ANKS1A: variants seen among roughly 807,000 people sequenced by gnomAD.
The protein encoded by ANKS1A is ankyrin repeat and sterile alpha motif domain containing 1A, also known as ankyrin repeat and SAM domain-containing protein 1A.
In ANKS1A, 55 loss-of-function variants were observed where a neutral mutation model predicts 120.3. The observed-to-expected ratio is 0.46, with a 90% confidence interval of 0.37 to 0.57. ANKS1A has a LOEUF of 0.57. Among genes scored for constraint, ANKS1A ranks in the 20% least tolerant of loss-of-function variants. The probability of loss-of-function intolerance (pLI) is 0.00; values close to 1 mark genes in which losing one functional copy is unlikely to be tolerated. For missense variants in ANKS1A, 1,123 were observed against 1,480.3 expected (o/e 0.76, Z 3.96); for synonymous variants, 590 against 604.7 (o/e 0.98, Z 0.36).
chr6:34,970,510 C>G (rs562977296), intron 3 of ANKS1A, among the ~76,000 whole-genome samples: 18 of 152,298 alleles, frequency 1.2e-4, no homozygotes, highest in South Asian at 8.3e-4. Context: ...ATGCTCAAGT[C>G]CCTTATGTAA....
chr6:35,089,765 C>A lies in ANKS1A; in HGVS notation c.*1156C>A, dbSNP rs576143228. On this transcript the variant is annotated 3_prime_UTR_variant, in exon 24 of 24. Transcript: ENST00000360359. ...TTTTAAAAGTAACTTGGGTTGCATT[C>A]TTCCCTCTGGACTAGAGTAGAAATG... is the stretch of plus-strand genomic sequence containing the variant. 1 of 1,000,642 alleles carries A rather than the reference C, an allele frequency of 1.0e-6. No individual in the cohort carries two copies. Among genetic ancestry groups the A allele is most frequent in the African/African-American group, 1.7e-5 (1 of 57,670 alleles). The allele number at this position is 1,000,642 out of a possible 1,614,324, so 62.0% of individuals were successfully genotyped here.
In ANKS1A at chr6:35,077,864, C is replaced by T. The variant is rs114620993; in HGVS notation, c.2185-694C>T. On this transcript the variant is annotated intron_variant, in intron 13 of 23. Coordinates refer to ENST00000360359, the MANE Select transcript of ANKS1A (RefSeq NM_015245.3). ...GTGGGATGCGCCAGGTGAAAGCTCT[C>T]GGCCCTGTCATATAGTAAGAAAGGA... 5.5e-3 allele frequency among the ~76,000 whole-genome samples: 836 copies of T among 152,300 alleles called. 5 individuals are homozygous for T. Among genetic ancestry groups the T allele is most frequent in the African/African-American group, 0.018 (760 of 41,562 alleles).
intron 13 of ANKS1A, among the ~76,000 whole-genome samples, chr6:35,067,079 G>A (rs1210502503): frequency 2.0e-5 from 3 of 152,156 alleles, no homozygotes; most frequent in Non-Finnish European, 4.4e-5. Context: ...ATAGTAGCTG[G>A]TACTGGGAAA....
chr6:34,940,513 A>AT (rs1479134055), intron 1 of ANKS1A, among the ~76,000 whole-genome samples: 2 of 152,156 alleles, frequency 1.3e-5, no homozygotes, highest in Non-Finnish European at 2.9e-5. Flanking sequence ...CTGGAGAAAT[A>AT]TTTTTTCTAA....
At chr6:35,073,911 C>T (rs949290809) in intron 13 of ANKS1A, among the ~76,000 whole-genome samples, 12 of 152,152 alleles carry the variant, frequency 7.9e-5, no homozygotes, top group Middle Eastern at 6.3e-3. Flanking sequence ...GCTCATCCCC[C>T]GGTGCGGAGA....
intron 10 of ANKS1A, among the ~76,000 whole-genome samples, chr6:35,012,304 C>T (rs565484169): frequency 6.6e-6 from 1 of 152,224 alleles, no homozygotes; most frequent in African/African-American, 2.4e-5. Flanking sequence ...AACTCTCAGT[C>T]TATTTGTCTT....
chr6:35,080,896 C>T (rs1041403769), intron 16 of ANKS1A, 98 bp from the exon 17 acceptor site: 69 of 1,441,042 alleles, frequency 4.8e-5, no homozygotes, highest in South Asian at 9.4e-5. Context: ...CTCCCGGTGC[C>T]GCTGCCTGTG....
At chr6:35,075,549 G>A in intron 13 of ANKS1A, among the ~76,000 whole-genome samples, 1 of 151,502 alleles carries the variant, frequency 6.6e-6, no homozygotes, top group East Asian at 1.9e-4. Flanking sequence ...CCGAGTAGCT[G>A]GGATTACAGG....
At chr6:34,937,649 A>G (rs1769324835) in intron 1 of ANKS1A, among the ~76,000 whole-genome samples, 1 of 152,118 alleles carries the variant, frequency 6.6e-6, no homozygotes. Context: ...TTGCTGAATC[A>G]ATGGGGTATA....
intron 1 of ANKS1A, among the ~76,000 whole-genome samples, chr6:34,909,471 C>T (rs1373700574): frequency 2.6e-5 from 4 of 152,224 alleles, no homozygotes; most frequent in Admixed American, 1.3e-4. Flanking sequence ...ACCCAGTTCT[C>T]ATTTCTAAGT....
intron 10 of ANKS1A, among the ~76,000 whole-genome samples, chr6:35,012,333 G>A (rs1773801563): frequency 1.3e-5 from 2 of 152,206 alleles, no homozygotes; most frequent in Non-Finnish European, 2.9e-5. Context: ...GCAGTCTTCA[G>A]CAAGTGTCTG....
Position 35,017,866 on chromosome 6 carries a change from G to A in ANKS1A, c.1817G>A (p.Arg606Gln), listed in dbSNP as rs377435276. 2.8e-5 allele frequency: 46 copies of A among 1,614,066 alleles called. No individual in the cohort carries two copies. The highest frequency in any genetic ancestry group is 1.5e-4 in the South Asian group (14 of 91,082). Residue 606 changes from arginine to glutamine, a missense_variant, in exon 11 of 24, where the codon CGA becomes CAA. Coordinates refer to ENST00000360359, the MANE Select transcript of ANKS1A (RefSeq NM_015245.3). ...EEGDRSGARS[R>Q]APPTSKPKAE... The stretch of plus-strand genomic sequence containing the variant: ...GGAGACCGGAGTGGGGCCAGGAGCC[G>A]AGCGCCTCCCACTAGCAAACCCAAA...
chr6:35,093,311 G>A (rs1349563356), downstream of ANKS1A, among the ~76,000 whole-genome samples: 1 of 152,120 alleles, frequency 6.6e-6, no homozygotes, highest in African/African-American at 2.4e-5. Context: ...AGTGCAGGGA[G>A]ATTCCTGTTC....
chr6:34,945,767 G>C (rs1042046287), intron 1 of ANKS1A, among the ~76,000 whole-genome samples: 29 of 152,222 alleles, frequency 1.9e-4, no homozygotes, highest in African/African-American at 6.7e-4. Flanking sequence ...CAGATAATCT[G>C]TTCTTCCTTG....
At chr6:34,914,821 G>T (rs1189063776) in intron 1 of ANKS1A, among the ~76,000 whole-genome samples, 1 of 152,132 alleles carries the variant, frequency 6.6e-6, no homozygotes, top group Non-Finnish European at 1.5e-5. Context: ...TTAGACACAG[G>T]CCTGTTCAAA....
intron 1 of ANKS1A, among the ~76,000 whole-genome samples, chr6:34,910,123 T>C (rs1349702326): frequency 6.6e-6 from 1 of 151,926 alleles, no homozygotes; most frequent in East Asian, 1.9e-4. Context: ...TAACTAGGAG[T>C]GCAAAATGAT....
chr6:35,087,734 C>T (rs1030179889), intron 23 of ANKS1A, among the ~76,000 whole-genome samples: 2 of 152,244 alleles, frequency 1.3e-5, no homozygotes, highest in Admixed American at 6.5e-5. Context: ...CCAAGATATG[C>T]GCCAGGCCCT....
At chr6:34,951,902 T>G (rs1420218838) in intron 1 of ANKS1A, among the ~76,000 whole-genome samples, 2 of 152,148 alleles carry the variant, frequency 1.3e-5, no homozygotes, top group Admixed American at 1.3e-4. Flanking sequence ...CAGTATTCTT[T>G]ATTGGTTTCC....
chr6:35,040,941 G>C (rs897606463), intron 11 of ANKS1A, among the ~76,000 whole-genome samples: 1 of 152,188 alleles, frequency 6.6e-6, no homozygotes, highest in Non-Finnish European at 1.5e-5. Context: ...CTCTGGGGAA[G>C]GAATAATGTT....
Sources: allele counts gnomAD v4.1 joint callset (sites outside exome capture counted in the v4.1 genomes callset), GRCh38; gene constraint gnomAD v4.1.1; transcripts MANE v1.5; gene names NCBI Gene and HGNC (gene_info 2026-07-23, HGNC 2026-07-21).